MSH3: variants seen among roughly 807,000 people sequenced by gnomAD.
MSH3 encodes the protein DNA mismatch repair protein Msh3.
In MSH3, 106 loss-of-function variants were observed where a neutral mutation model predicts 123.3. The ratio of observed to expected loss-of-function variants is 0.86; its 90% CI spans 0.73 to 1.01. MSH3 has a LOEUF of 1.01. MSH3 is among the 50% of genes least tolerant of loss of function. The pLI, the probability that MSH3 is intolerant of heterozygous loss-of-function variation, is 0.00. For missense variants in MSH3, 1,459 were observed against 1,347.6 expected (o/e 1.08, Z -1.29); for synonymous variants, 515 against 481.4 (o/e 1.07, Z -0.91).
chr5:80,842,939 A>G (rs1372219933), intron 20 of MSH3, among the ~76,000 whole-genome samples: 1 of 152,066 alleles, frequency 6.6e-6, no homozygotes, highest in Non-Finnish European at 1.5e-5. Context: ...TTCCCATACT[A>G]TGTTGAGTAG....
Position 80,654,854 on chromosome 5 carries a change from G to C in MSH3, c.127G>C (p.Ala43Pro). The change falls in exon 1 of 24, where the codon GCA becomes CCA. Residue 43 changes from alanine (A) to proline (P), a missense_variant. Coordinates refer to ENST00000265081, the MANE Select transcript of MSH3 (RefSeq NM_002439.5). ...GAAATCCACCTCCTCCTCCACAGGT[G>C]CAGCCGACCAGGTGGACCCTGGCGC... is the stretch of plus-strand genomic sequence containing the variant. ...SLKSTSSSTG[A>P]ADQVDPGAAA... 6.2e-7 allele frequency: 1 copy of C among 1,603,300 alleles called. No homozygotes were observed. The highest frequency in any genetic ancestry group is 1.1e-5 in the South Asian group (1 of 90,426).
chr5:80,672,660 T>C (rs911030215), intron 5 of MSH3, 81 bp from the exon 6 acceptor site: 3 of 1,111,638 alleles, frequency 2.7e-6, no homozygotes, highest in Admixed American at 3.4e-5. Flanking sequence ...CATTTCAGAA[T>C]TGACGTTTAA....
intron 13 of MSH3, among the ~76,000 whole-genome samples, chr5:80,765,985 C>A (rs1405318448): frequency 6.6e-6 from 1 of 152,048 alleles, no homozygotes; most frequent in East Asian, 1.9e-4. Flanking sequence ...ATCTTTACTT[C>A]CTCTTCTGTT....
intron 2 of MSH3, 62 bp downstream of exon 2, chr5:80,656,593 GA>G: frequency 6.2e-7 from 1 of 1,605,144 alleles, no homozygotes; most frequent in South Asian, 1.1e-5. Context: ...GAATTCTCCA[GA>G]GGGCAGAAGA....
At chr5:80,680,830 A>G (rs762235696) in intron 8 of MSH3, among the ~76,000 whole-genome samples, 2 of 152,140 alleles carry the variant, frequency 1.3e-5, no homozygotes, top group South Asian at 4.1e-4. Context: ...TAAAAACAAA[A>G]TAAGTACATG....
rs575341173 is a variant in MSH3, at chr5:80,837,891, G to C, written c.2814-16239G>C. ...TGCATCCACTTTCAGAATTACCCAG[G>C]TTGCTGGCAGAATTCATTTCCTTGA... On this transcript the variant is annotated intron_variant, in intron 20 of 23. Coordinates refer to ENST00000265081, the MANE Select transcript of MSH3 (RefSeq NM_002439.5). 3.3e-5 allele frequency among the ~76,000 whole-genome samples: 5 copies of C among 152,234 alleles called. No homozygotes were observed. The South Asian group carries it at 1.0e-3, about 32-fold the overall frequency.
At chr5:80,785,718 A>G (rs1744494296) in intron 17 of MSH3, among the ~76,000 whole-genome samples, 1 of 152,178 alleles carries the variant, frequency 6.6e-6, no homozygotes, top group African/African-American at 2.4e-5. Context: ...ATTATTCACA[A>G]TAGCAAAGAC....
intron 19 of MSH3, among the ~76,000 whole-genome samples, 165 bp downstream of exon 19, chr5:80,793,009 A>G (rs748347208): frequency 6.6e-6 from 1 of 152,240 alleles, no homozygotes; most frequent in Non-Finnish European, 1.5e-5. Context: ...AATTGGTGCT[A>G]TTTCCAATGC....
intron 8 of MSH3, among the ~76,000 whole-genome samples, chr5:80,691,859 C>A (rs10044991): frequency 0.7 from 75,544 of 107,328 alleles, 27,761 homozygotes; most frequent in African/African-American, 0.76. Flanking sequence ...ATTTATATAG[C>A]TAAACATGTA....
chr5:80,781,130 A>C (rs1744402766), intron 17 of MSH3, among the ~76,000 whole-genome samples: 1 of 152,150 alleles, frequency 6.6e-6, no homozygotes, highest in South Asian at 2.1e-4. Context: ...AATTTTGTCT[A>C]TTCAGTTTCT....
intron 12 of MSH3, among the ~76,000 whole-genome samples, chr5:80,748,259 A>G (rs1019287595): frequency 3.9e-5 from 6 of 152,224 alleles, no homozygotes; most frequent in Admixed American, 3.9e-4. Flanking sequence ...CACACAGTTC[A>G]TAAGTCTAGG....
rs1005036598 is a variant in MSH3, at chr5:80,858,816, C to T, written c.3000+4500C>T. 1.6e-4 allele frequency among the ~76,000 whole-genome samples: 25 copies of T among 152,098 alleles called. 1 individual carries two copies. The highest frequency in any genetic ancestry group is 4.4e-5 in the Non-Finnish European group (3 of 68,024). On this transcript the variant is annotated intron_variant, in intron 21 of 23. Coordinates refer to ENST00000265081, the MANE Select transcript of MSH3 (RefSeq NM_002439.5). ...GATGGAGGAATTTTGATATCTCTAA[C>T]TATAGTAGTATGTTCATCTGTTTCT...
chr5:80,808,970 C>T (rs1433106790), intron 19 of MSH3, among the ~76,000 whole-genome samples: 1 of 149,110 alleles, frequency 6.7e-6, no homozygotes, highest in Non-Finnish European at 1.5e-5. Context: ...ATAAGTTTCA[C>T]ATCTGACTTT....
intron 10 of MSH3, among the ~76,000 whole-genome samples, chr5:80,738,746 T>C (rs1046554642): frequency 1.3e-5 from 2 of 152,228 alleles, no homozygotes; most frequent in African/African-American, 4.8e-5. Context: ...CCAACTGTTA[T>C]GGCCTGGATG....
intron 8 of MSH3, among the ~76,000 whole-genome samples, chr5:80,716,173 AT>A (rs1580581448): frequency 6.6e-6 from 1 of 152,180 alleles, no homozygotes; most frequent in Non-Finnish European, 1.5e-5. Flanking sequence ...AAAGCATTAT[AT>A]AGACTCTATT....
chr5:80,757,470 C>A (rs1448218177), intron 12 of MSH3, among the ~76,000 whole-genome samples: 5 of 152,104 alleles, frequency 3.3e-5, no homozygotes, highest in South Asian at 2.1e-4. Context: ...ATGGTAGATA[C>A]TCATGTCACC....
At chr5:80,711,880 C>T (rs929272114) in intron 8 of MSH3, among the ~76,000 whole-genome samples, 2 of 152,130 alleles carry the variant, frequency 1.3e-5, no homozygotes, top group Admixed American at 1.3e-4. Context: ...TGTTGAACTC[C>T]TGACCTCAAG....
chr5:80,757,783 A>G (rs970971177), intron 12 of MSH3, among the ~76,000 whole-genome samples: 10 of 152,102 alleles, frequency 6.6e-5, no homozygotes, highest in Admixed American at 2.0e-4. Context: ...TAAGATAATA[A>G]TTCTCTATTG....
chr5:80,843,480 T>C (rs1745663504), intron 20 of MSH3, among the ~76,000 whole-genome samples: 1 of 152,244 alleles, frequency 6.6e-6, no homozygotes, highest in Non-Finnish European at 1.5e-5. Flanking sequence ...GAAGGAATGG[T>C]ACCAGCTCCT....
Sources: gnomAD v4.1 joint callset for allele counts (sites outside exome capture counted in the v4.1 genomes callset) on GRCh38, gnomAD v4.1.1 for gene constraint, MANE v1.5 for transcripts, NCBI Gene and HGNC (gene_info 2026-07-23, HGNC 2026-07-21) for gene names.